MKLN1: variants seen among roughly 807,000 people sequenced by gnomAD.
MKLN1 encodes muskelin 1.
A neutral mutation model predicts 99.0 loss-of-function variants in MKLN1; 18 were observed. The ratio of observed to expected loss-of-function variants is 0.18; its 90% CI spans 0.13 to 0.27. MKLN1 has a LOEUF of 0.27. MKLN1 is among the 10% of genes least tolerant of loss of function. The pLI, the probability that MKLN1 is intolerant of heterozygous loss-of-function variation, is 1.00. For missense variants in MKLN1, 621 were observed against 875.9 expected (o/e 0.71, Z 3.67); for synonymous variants, 288 against 293.2 (o/e 0.98, Z 0.18).
intron 1 of MKLN1, among the ~76,000 whole-genome samples, chr7:131,336,187 CATT>C (rs1344611549): frequency 6.6e-6 from 1 of 152,006 alleles, no homozygotes; most frequent in Non-Finnish European, 1.5e-5. Context: ...GGCTCTTTAT[CATT>C]ATAACATGTC....
chr7:131,385,661 T>A, intron 2 of MKLN1, among the ~76,000 whole-genome samples: 1 of 152,204 alleles, frequency 6.6e-6, no homozygotes, highest in African/African-American at 2.4e-5. Flanking sequence ...GCCATTTGTT[T>A]ACTTTCTTTG....
chr7:131,270,468 G>A (rs577400319), intron 3 of MKLN1, among the ~76,000 whole-genome samples: 13 of 152,288 alleles, frequency 8.5e-5, no homozygotes, highest in South Asian at 2.1e-4. Context: ...TCATCCACCC[G>A]GCTTGGCCTC....
chr7:131,375,739 A>C (rs541343536), intron 2 of MKLN1, among the ~76,000 whole-genome samples: 9 of 152,176 alleles, frequency 5.9e-5, no homozygotes, highest in Admixed American at 3.3e-4. Flanking sequence ...AGTTACGCTC[A>C]AGTTATTCTG....
chr7:131,264,704 C>T (rs1210895800), intron 3 of MKLN1, among the ~76,000 whole-genome samples: 1 of 151,618 alleles, frequency 6.6e-6, no homozygotes, highest in Admixed American at 6.6e-5. Flanking sequence ...TTTGTTTTTG[C>T]AGTTCTGTTG....
At chr7:131,204,691 C>T (rs537742259) in intron 3 of MKLN1, among the ~76,000 whole-genome samples, 10 of 148,712 alleles carry the variant, frequency 6.7e-5, no homozygotes, top group South Asian at 2.2e-4. Context: ...TTAGGCCGGG[C>T]GCGGTGGCTC....
At chr7:131,423,243 C>A (rs1269492877) in intron 8 of MKLN1, among the ~76,000 whole-genome samples, 7 of 152,302 alleles carry the variant, frequency 4.6e-5, no homozygotes, top group African/African-American at 1.4e-4. Context: ...TGGAGAGTTG[C>A]TTGTCACTTG....
chr7:131,224,330 T>C, intron 3 of MKLN1, among the ~76,000 whole-genome samples: 1 of 89,602 alleles, frequency 1.1e-5, no homozygotes, highest in Middle Eastern at 6.8e-3. Context: ...CAGATCCCCT[T>C]AGGTCAGGAG....
At chr7:131,162,767 A>C (rs1405265924) in intron 2 of MKLN1, among the ~76,000 whole-genome samples, 1 of 152,242 alleles carries the variant, frequency 6.6e-6, no homozygotes, top group Admixed American at 6.5e-5. Context: ...GACTTCGAAA[A>C]CTTAGTGCAA....
chr7:131,294,959 G>A (rs368763586), intron 3 of MKLN1, among the ~76,000 whole-genome samples: 24 of 152,250 alleles, frequency 1.6e-4, no homozygotes, highest in Admixed American at 9.2e-4. Context: ...AGAGGACGAC[G>A]GGAGGATGGG....
intron 3 of MKLN1, among the ~76,000 whole-genome samples, chr7:131,387,562 A>G (rs1021464841): frequency 6.6e-6 from 1 of 152,316 alleles, no homozygotes; most frequent in African/African-American, 2.4e-5. Flanking sequence ...TTCAGCTTTA[A>G]TGAAATTTTT....
chr7:131,339,096 C>G (rs537516709), intron 1 of MKLN1, among the ~76,000 whole-genome samples: 1 of 152,072 alleles, frequency 6.6e-6, no homozygotes, highest in Non-Finnish European at 1.5e-5. Context: ...TGTTAATTGT[C>G]TATTCATGTT....
rs541036507 is a variant in MKLN1 at position 131,243,320 on chromosome 7, C to T, written c.-179+40346C>T. 6.6e-5 allele frequency among the ~76,000 whole-genome samples: 10 copies of T among 152,152 alleles called. No individual in the cohort carries two copies. In the East Asian group the frequency reaches 1.7e-3, roughly 26 times the overall value. On this transcript the variant is annotated intron_variant, in intron 3 of 7. Transcript: ENST00000416992. Reference sequence around the variant, plus strand: ...TTCAGGGGGCCTAGATACAGTATGTCGGGAGACAATCATGTCATTTCCGCA... The same window carrying T: ...TTCAGGGGGCCTAGATACAGTATGTTGGGAGACAATCATGTCATTTCCGCA...
At chr7:131,397,228 T>G (rs1794386815) in intron 4 of MKLN1, 39 bp from the exon 5 acceptor site, 1 of 1,296,606 alleles carries the variant, frequency 7.7e-7, no homozygotes, top group Non-Finnish European at 1.1e-6. Flanking sequence ...TGAACTGTGT[T>G]AATATTTTTC....
rs1797041576 is a variant in MKLN1 at position 131,220,256 on chromosome 7, A to G, written c.-179+17282A>G. Among the ~76,000 whole-genome samples the G allele has an allele frequency of 5.3e-5, 8 of 152,276 alleles. No homozygotes were observed. The South Asian group carries it at 1.7e-3, about 32-fold the overall frequency. On this transcript the variant is annotated intron_variant, in intron 3 of 7. Transcript: ENST00000416992. ...TAGTCCCCATCCTATCATTCTCCCT[A>G]GTAATCATTTATTGCCCCTCAACAG...
chr7:131,272,690 G>C (rs573251200), intron 3 of MKLN1, among the ~76,000 whole-genome samples: 1 of 152,336 alleles, frequency 6.6e-6, no homozygotes, highest in Admixed American at 6.5e-5. Flanking sequence ...CAGAATCATG[G>C]TGGGAGGTGA....
At chr7:131,377,116 A>G (rs1488018957) in intron 2 of MKLN1, among the ~76,000 whole-genome samples, 1 of 152,178 alleles carries the variant, frequency 6.6e-6, no homozygotes, top group Non-Finnish European at 1.5e-5. Flanking sequence ...CTATTATGAT[A>G]CAAGCTGCTG....
chr7:131,318,519 T>C (rs1362928804), intron 3 of MKLN1, among the ~76,000 whole-genome samples: 1 of 151,994 alleles, frequency 6.6e-6, no homozygotes, highest in African/African-American at 2.4e-5. Flanking sequence ...TCTGAAATCG[T>C]CACCCTAACA....
intron 16 of MKLN1, among the ~76,000 whole-genome samples, chr7:131,473,354 G>A (rs1297512886): frequency 6.6e-6 from 1 of 151,866 alleles, no homozygotes; most frequent in African/African-American, 2.4e-5. Context: ...AACACAAAAA[G>A]TGTTTTTTAG....
intron 1 of MKLN1, among the ~76,000 whole-genome samples, chr7:131,330,465 A>C (rs1799039222): frequency 6.6e-6 from 1 of 152,210 alleles, no homozygotes; most frequent in African/African-American, 2.4e-5. Context: ...TCCTTACCGC[A>C]ATCCCAAGAG....
Sources: allele counts gnomAD v4.1 joint callset (sites outside exome capture counted in the v4.1 genomes callset), GRCh38; gene constraint gnomAD v4.1.1; transcripts MANE v1.5; gene names NCBI Gene and HGNC (gene_info 2026-07-23, HGNC 2026-07-21).